Variants in SUSD4 observed in about 807,000 individuals in gnomAD.
SUSD4 encodes the protein sushi domain containing 4, also known as sushi domain-containing protein 4.
SUSD4 carries 41 observed loss-of-function variants against 50.5 expected under a neutral mutation model. The observed-to-expected ratio is 0.81, with a 90% CI of 0.63 to 1.05. SUSD4 has a LOEUF of 1.05. SUSD4 is among the 50% of genes least tolerant of loss of function. The pLI is 0.00. For missense variants in SUSD4, 580 were observed against 634.7 expected (o/e 0.91, Z 0.93); for synonymous variants, 257 against 257.3 (o/e 1.00, Z 0.01).
chr1:223,245,242 A>G (rs1660839656), intron 5 of SUSD4, among the ~76,000 whole-genome samples: 1 of 150,758 alleles, frequency 6.6e-6, no homozygotes, highest in African/African-American at 2.4e-5. Context: ...TTGTCTTTTT[A>G]TTTTATCTAG....
chr1:223,246,734 G>A (rs1056116076), intron 5 of SUSD4, among the ~76,000 whole-genome samples: 7 of 152,116 alleles, frequency 4.6e-5, no homozygotes, highest in Admixed American at 6.5e-5. Context: ...CCCCTTTTCC[G>A]AATGAAGTGT....
At chr1:223,257,115 G>T (rs951995621) in intron 5 of SUSD4, among the ~76,000 whole-genome samples, 16 of 152,200 alleles carry the variant, frequency 1.1e-4, no homozygotes, top group African/African-American at 2.7e-4. Context: ...ATGTGCCGGG[G>T]CTAGGAGTGC....
At chr1:223,364,569 G>A (rs1242644545), upstream of SUSD4, among the ~76,000 whole-genome samples, 8 of 150,560 alleles carry the variant, frequency 5.3e-5, no homozygotes, top group South Asian at 1.5e-3. This position sits in a 1 kb window ranked among gnomAD's most constrained non-coding sequence, Gnocchi z 4.5. Flanking sequence ...CACGCACGCA[G>A]CTCGGTCGCC....
chr1:223,306,333 C>G (rs907359655), intron 2 of SUSD4, among the ~76,000 whole-genome samples: 9 of 152,146 alleles, frequency 5.9e-5, no homozygotes, highest in African/African-American at 2.2e-4. Flanking sequence ...CATGGGAAAA[C>G]AGAATAAACC....
rs187738516 is a variant in SUSD4 at position 223,226,978 on chromosome 1, A to G, written c.1061+616T>C. On this transcript the variant is annotated intron_variant, in intron 7 of 8. Coordinates refer to ENST00000366878, the MANE Select transcript of SUSD4 (RefSeq NM_017982.4). Reference sequence around the variant, plus strand: ...GCTGGTGCAGTCCTCTTTGGTGGTGATGACTTGAGGCTGAAGATACCAACC... The same window carrying G: ...GCTGGTGCAGTCCTCTTTGGTGGTGGTGACTTGAGGCTGAAGATACCAACC... 9.2e-5 allele frequency among the ~76,000 whole-genome samples: 14 copies of G among 152,180 alleles called. No individual in the cohort carries two copies. In the East Asian group the frequency reaches 2.7e-3, roughly 30 times the overall value.
chr1:223,356,290 T>C (rs1407161005), intron 2 of SUSD4, among the ~76,000 whole-genome samples: 1 of 152,178 alleles, frequency 6.6e-6, no homozygotes, highest in Non-Finnish European at 1.5e-5. Flanking sequence ...GCTCATACCA[T>C]GAAACATGGC....
At chr1:223,336,182 G>GAC (rs1321414484) in intron 2 of SUSD4, among the ~76,000 whole-genome samples, 1 of 152,088 alleles carries the variant, frequency 6.6e-6, no homozygotes, top group African/African-American at 2.4e-5. Flanking sequence ...TCGAACTCCT[G>GAC]ACCTCAGATG....
chr1:223,263,583 G>A (rs749053201), intron 5 of SUSD4: 2 of 985,138 alleles, frequency 2.0e-6, no homozygotes, highest in African/African-American at 3.5e-5. Context: ...AAAACCAATG[G>A]GAAGGGCTGG....
In SUSD4 at chr1:223,264,538, G is replaced by A; in HGVS notation, c.724+92C>T. 1.9e-6 allele frequency: 3 copies of A among 1,541,386 alleles called. No individual in the cohort carries two copies. The East Asian group carries it at 6.8e-5, about 35-fold the overall frequency. ...ATGTATTCAGAGAAGAAAAGTTATT[G>A]CCCATCATAATTCACAGCTCTTCCT... On this transcript the variant is annotated intron_variant, in intron 5 of 8. Transcript: ENST00000366878.
At chr1:223,263,136 T>C (rs1432833941) in intron 5 of SUSD4, among the ~76,000 whole-genome samples, 1 of 152,162 alleles carries the variant, frequency 6.6e-6, no homozygotes, top group African/African-American at 2.4e-5. Flanking sequence ...GTAACAACGA[T>C]ATCTTTAAAG....
At chr1:223,335,431 A>G (rs190541208) in intron 2 of SUSD4, among the ~76,000 whole-genome samples, 1 of 144,358 alleles carries the variant, frequency 6.9e-6, no homozygotes, top group Non-Finnish European at 1.5e-5. Context: ...AGGCATTTCG[A>G]ACAGCCAAAT....
chr1:223,292,608 C>T lies in SUSD4; in HGVS notation c.192G>A (p.Glu64=), dbSNP rs1451056254. ...LQVCADPGIP[E]NGFRTPSGGV... is the part of the protein sequence containing the mutation. ...CTCCGCTGGGGGTCCTGAAGCCATT[C>T]TCGGGAATGCCGGGGTCAGCACACA... The change falls in exon 3 of 9, where the codon GAG becomes GAA. Residue 64 remains glutamate (E), a synonymous_variant. Coordinates refer to ENST00000366878, the MANE Select transcript of SUSD4 (RefSeq NM_017982.4). The T allele has an allele frequency of 6.2e-7, 1 of 1,614,140 alleles. No homozygotes were observed. The highest frequency in any genetic ancestry group is 8.5e-7 in the Non-Finnish European group (1 of 1,180,026).
chr1:223,302,410 A>T (rs372185511), intron 2 of SUSD4, among the ~76,000 whole-genome samples: 103 of 152,292 alleles, frequency 6.8e-4, no homozygotes, highest in African/African-American at 2.0e-3. Flanking sequence ...ATTTGAGCTA[A>T]TATTGTATCT....
At chr1:223,265,089 T>C (rs1662397467) in intron 4 of SUSD4, among the ~76,000 whole-genome samples, 1 of 152,160 alleles carries the variant, frequency 6.6e-6, no homozygotes, top group African/African-American at 2.4e-5. Context: ...TGACTGTGGA[T>C]TGTACACCCT....
intron 5 of SUSD4, among the ~76,000 whole-genome samples, chr1:223,262,428 T>C (rs1662187714): frequency 6.6e-6 from 1 of 152,210 alleles, no homozygotes; most frequent in Non-Finnish European, 1.5e-5. Context: ...GGGTGATCTA[T>C]GAAAAGGGTC....
intron 2 of SUSD4, among the ~76,000 whole-genome samples, chr1:223,313,961 A>G (rs755158285): frequency 6.6e-6 from 1 of 152,162 alleles, no homozygotes; most frequent in Non-Finnish European, 1.5e-5. Flanking sequence ...AAACTCACAA[A>G]TAACACCCCT....
At chr1:223,256,933 TCA>T (rs1454504766) in intron 5 of SUSD4, among the ~76,000 whole-genome samples, 2 of 152,166 alleles carry the variant, frequency 1.3e-5, no homozygotes, top group Non-Finnish European at 2.9e-5. Flanking sequence ...TGTCTGAACC[TCA>T]GTTTCCTCAT....
At chr1:223,360,150 T>C in intron 2 of SUSD4, 1 of 467,570 alleles carries the variant, frequency 2.1e-6, no homozygotes, top group Non-Finnish European at 4.4e-6. Flanking sequence ...AGCTATCAAG[T>C]GGCAGAGCCT....
chr1:223,224,637 G>A (rs1013455479), intron 7 of SUSD4, among the ~76,000 whole-genome samples: 1 of 152,110 alleles, frequency 6.6e-6, no homozygotes, highest in East Asian at 1.9e-4. Context: ...CAGGAGCGGC[G>A]GCAAAGTGAG....
Sources: allele counts gnomAD v4.1 joint callset (sites outside exome capture counted in the v4.1 genomes callset), GRCh38; gene constraint gnomAD v4.1.1; non-coding constraint Gnocchi (gnomAD v3.1); transcripts MANE v1.5; gene names NCBI Gene and HGNC (gene_info 2026-07-23, HGNC 2026-07-21).